The following ZMIZ2 variants were observed in gnomAD, a reference collection of about 807,000 sequenced individuals.
ZMIZ2 encodes zinc finger MIZ domain-containing protein 2.
A neutral mutation model predicts 93.9 loss-of-function variants in ZMIZ2; 26 were observed. That is an observed-to-expected ratio of 0.28 (90% CI 0.20 to 0.38). The LOEUF is 0.38. ZMIZ2 is among the 10% of genes least tolerant of loss of function. The probability of loss-of-function intolerance (pLI) is 1.00; values close to 1 mark genes in which losing one functional copy is unlikely to be tolerated. For missense variants in ZMIZ2, 1,023 were observed against 1,235.0 expected (o/e 0.83, Z 2.57); for synonymous variants, 485 against 516.4 (o/e 0.94, Z 0.82).
At chr7:44,749,761 C>T (rs1789975904) in intron 1 of ZMIZ2, 1 of 152,358 alleles carries the variant, frequency 6.6e-6, no homozygotes. Flanking sequence ...AGGGTACCCT[C>T]TTTCCAGTAT....
Position 44,762,939 on chromosome 7 carries a change from G to A in ZMIZ2, c.1655G>A (p.Gly552Asp). The A allele has an allele frequency of 6.2e-7, 1 of 1,613,560 alleles. No individual in the cohort carries two copies. Among genetic ancestry groups the A allele is most frequent in the Non-Finnish European group, 8.5e-7 (1 of 1,179,686 alleles). Residue 552 changes from glycine (G) to aspartate (D), a missense_variant, in exon 12 of 19, where the codon GGC becomes GAC. Gly to Asp is a moderately conservative substitution (Grantham distance 94, BLOSUM62 -1). Transcript: ENST00000309315. The stretch of plus-strand genomic sequence containing the variant: ...CCATCCGTCCGCTCGGTGCTGCAGG[G>A]CCTCCTCAAAAAGCGCCTCCTGCCT... Reference protein sequence around the residue: ...HRPSVRSVLQGLLKKRLLPAE... With the variant: ...HRPSVRSVLQDLLKKRLLPAE...
intron 18 of ZMIZ2, 25 bp from the exon 19 acceptor site, chr7:44,767,491 C>T (rs1419521081): frequency 1.9e-6 from 3 of 1,591,914 alleles, no homozygotes; most frequent in Admixed American, 3.3e-5. Flanking sequence ...ACCAAAGCTG[C>T]TAACAGAGTT....
At chr7:44,760,123 C>T in intron 7 of ZMIZ2, 28 bp from the exon 8 acceptor site, 1 of 1,613,742 alleles carries the variant, frequency 6.2e-7, no homozygotes, top group East Asian at 2.2e-5. Flanking sequence ...GTTGGAGCCC[C>T]AGGTGCATGC....
At position 44,769,496 on chromosome 7, in the gene ZMIZ2, A is replaced by G. The variant is rs1791996175; in HGVS notation, c.*1873A>G. On this transcript the variant is annotated 3_prime_UTR_variant, in exon 19 of 19. Transcript: ENST00000309315. ...GGATGAGGGAACAGAAGTGGAGGAA[A>G]CAAAAGAAGCAGCAGCACGCACAGT... 6.5e-6 allele frequency: 1 copy of G among 152,748 alleles called. No homozygotes were observed. Among genetic ancestry groups the G allele is most frequent in the African/African-American group, 2.4e-5 (1 of 41,458 alleles). 9.5% of individuals were successfully genotyped at this position (152,748 alleles called of 1,614,324 possible).
chr7:44,762,802 A>G (rs4720479), intron 11 of ZMIZ2, 79 bp from the exon 12 acceptor site: 142 of 1,022,348 alleles, frequency 1.4e-4, no homozygotes, highest in Non-Finnish European at 1.8e-4. Context: ...CTGACACACA[A>G]CCCCCAGCAC....
chr7:44,764,939 A>G lies in ZMIZ2; in HGVS notation c.1929-2A>G. 6.2e-7 allele frequency: 1 copy of G among 1,614,024 alleles called. No individual in the cohort carries two copies. The highest frequency in any genetic ancestry group is 8.5e-7 in the Non-Finnish European group (1 of 1,179,952). ...GAGCTGTGTCCCTTTTTTTCCCCAC[A>G]GCAAGACAGCTTTGCTGGAGGGCCT... On this transcript the variant is annotated splice_acceptor_variant, in intron 14 of 18. Transcript: ENST00000309315. LOFTEE classifies it high-confidence loss of function.
At chr7:44,752,755 A>G (rs1455806903) in intron 1 of ZMIZ2, among the ~76,000 whole-genome samples, 1 of 152,224 alleles carries the variant, frequency 6.6e-6, no homozygotes, top group Non-Finnish European at 1.5e-5. Flanking sequence ...CTCTTCATCC[A>G]TTGAAGGACA....
chr7:44,766,191 T>C lies in ZMIZ2; in HGVS notation c.2270T>C (p.Phe757Ser). 2 of 1,612,366 alleles carry C rather than the reference T, an allele frequency of 1.2e-6. No homozygotes were observed. Among genetic ancestry groups the C allele is most frequent in the African/African-American group, 1.3e-5 (1 of 74,926 alleles). The change falls in exon 17 of 19, where the codon TTC becomes TCC. Residue 757 changes from phenylalanine to serine, a missense_variant. Around this residue, in one of 3 missense-constraint regions of ZMIZ2, gnomAD observed 319 missense variants for 358.8 expected, o/e 0.89. Transcript: ENST00000309315. The surrounding 1 kb of genome is among the most constrained non-coding windows in gnomAD (Gnocchi z 4.4). ...TCCAGCTTCCTGGGGCCTGGAACTT[T>C]CCCTGAGTCCTTCCCACCCACCACG... ...QGSSFLGPGT[F>S]PESFPPTTPS... is the part of the protein sequence containing the mutation.
intron 1 of ZMIZ2, among the ~76,000 whole-genome samples, chr7:44,754,382 T>C: frequency 6.6e-6 from 1 of 152,138 alleles, no homozygotes; most frequent in Non-Finnish European, 1.5e-5. Context: ...GGGCTGGGAA[T>C]CAAGTCTTGC....
In ZMIZ2 at chr7:44,765,481, G is replaced by A. The variant is rs758583516; in HGVS notation, c.2144G>A (p.Ser715Asn). The A allele has an allele frequency of 1.2e-6, 2 of 1,602,512 alleles. No homozygotes were observed. Among genetic ancestry groups the A allele is most frequent in the Non-Finnish European group, 1.7e-6 (2 of 1,179,818 alleles). ...AGCCCCGCCCACGTGCTCATGCCCAGCGTGATGGAGATGATCGCCGCCCTG... is the reference window on the plus strand; with the variant it reads ...AGCCCCGCCCACGTGCTCATGCCCAACGTGATGGAGATGATCGCCGCCCTG... ...TVSPAHVLMP[S>N]VMEMIAALGP... is the part of the protein sequence containing the mutation. Residue 715 changes from serine to asparagine, a missense_variant, in exon 16 of 19, where the codon AGC becomes AAC. Physicochemically the swap from Ser to Asn is conservative, Grantham distance 46. Coordinates refer to ENST00000309315, the MANE Select transcript of ZMIZ2 (RefSeq NM_031449.4). The surrounding 1 kb of genome is among the most constrained non-coding windows in gnomAD (Gnocchi z 4.1).
chr7:44,765,090 C>A lies in ZMIZ2; in HGVS notation c.1997+81C>A. ...GGACATGTCGGGGGATGTCCCTTGC[C>A]AAGTGCAGCCTTCCAGCCTTTTTCC... On this transcript the variant is annotated intron_variant, in intron 15 of 18. Coordinates refer to ENST00000309315, the MANE Select transcript of ZMIZ2 (RefSeq NM_031449.4). The surrounding 1 kb of genome is among the most constrained non-coding windows in gnomAD (Gnocchi z 4.1). The A allele has an allele frequency of 6.4e-7, 1 of 1,569,118 alleles. No homozygotes were observed. The highest frequency in any genetic ancestry group is 1.1e-5 in the South Asian group (1 of 88,950).
rs968799612 is a variant in ZMIZ2, at chr7:44,756,057, G to T, written c.-62-131G>T. ...CAGTACTAGGCCCCTCCACTGCCTT[G>T]CCTGCCATCAGAGCCCAGGGGTCCC... On this transcript the variant is annotated intron_variant, in intron 1 of 18. Coordinates refer to ENST00000309315, the MANE Select transcript of ZMIZ2 (RefSeq NM_031449.4). 1.1e-5 allele frequency: 8 copies of T among 703,266 alleles called. No individual in the cohort carries two copies. The South Asian group carries it at 1.4e-4, about 12-fold the overall frequency. The allele number at this position is 703,266 out of a possible 1,614,324, so 43.6% of individuals were successfully genotyped here.
At chr7:44,758,695 G>T (rs528869912) in intron 6 of ZMIZ2, among the ~76,000 whole-genome samples, 1 of 151,560 alleles carries the variant, frequency 6.6e-6, no homozygotes, top group Admixed American at 6.6e-5. Context: ...GGTGGATCAC[G>T]AGGTCAGGAG....
intron 1 of ZMIZ2, among the ~76,000 whole-genome samples, chr7:44,754,470 C>T (rs1013005366): frequency 2.0e-5 from 3 of 152,174 alleles, no homozygotes; most frequent in African/African-American, 7.2e-5. Context: ...TCCCAGTGCT[C>T]GGTGATGGGA....
In ZMIZ2 at chr7:44,766,637, G is replaced by A. The variant is rs775850953; in HGVS notation, c.2629G>A (p.Gly877Arg). The A allele has an allele frequency of 7.4e-6, 12 of 1,613,026 alleles. No individual in the cohort carries two copies. Among genetic ancestry groups the A allele is most frequent in the East Asian group, 4.5e-5 (2 of 44,894 alleles). ...GGGGCCCCCCAGCATGTCTGGAGCC[G>A]GGGAGGCCCCAGAACCAGCTCTGGA... The part of the protein sequence containing the change: ...VMGPPSMSGA[G>R]EAPEPALDLL... Residue 877 changes from glycine to arginine, a missense_variant, in exon 18 of 19, where the codon GGG (glycine) becomes AGG (arginine). Around this residue, in one of 3 missense-constraint regions of ZMIZ2, gnomAD observed 319 missense variants for 358.8 expected, o/e 0.89. Coordinates refer to ENST00000309315, the MANE Select transcript of ZMIZ2 (RefSeq NM_031449.4). The surrounding 1 kb of genome is among the most constrained non-coding windows in gnomAD (Gnocchi z 4.4).
intron 1 of ZMIZ2, among the ~76,000 whole-genome samples, chr7:44,751,776 C>T (rs531468648): frequency 6.6e-5 from 10 of 152,072 alleles, no homozygotes; most frequent in Admixed American, 1.3e-4. Context: ...GCCAACATGG[C>T]GAAACTTCAT....
At chr7:44,760,879 C>T (rs1389531547) in intron 9 of ZMIZ2, among the ~76,000 whole-genome samples, 1 of 150,372 alleles carries the variant, frequency 6.7e-6, no homozygotes, top group Admixed American at 6.6e-5. Flanking sequence ...CCAAGGATTC[C>T]ATCTTCTTAA....
chr7:44,755,343 T>C (rs535869406), intron 1 of ZMIZ2, among the ~76,000 whole-genome samples: 113 of 152,200 alleles, frequency 7.4e-4, no homozygotes, highest in Non-Finnish European at 1.2e-3. Context: ...GTGCTGTGTG[T>C]CCCTGCCCTC....
chr7:44,764,849 G>T, intron 14 of ZMIZ2, 92 bp from the exon 15 acceptor site: 1 of 1,384,578 alleles, frequency 7.2e-7, no homozygotes. Flanking sequence ...CTCATGCAGG[G>T]TCACAGCTGA....
Sources: gnomAD v4.1 joint callset for allele counts (sites outside exome capture counted in the v4.1 genomes callset) on GRCh38, gnomAD v4.1.1 for gene constraint, gnomAD v4.1.1 regional missense constraint, Gnocchi (gnomAD v3.1) non-coding constraint, MANE v1.5 for transcripts, NCBI Gene and HGNC (gene_info 2026-07-23, HGNC 2026-07-21) for gene names.